The following LCP2 variants were observed in gnomAD, a reference collection of about 807,000 sequenced individuals.
LCP2 encodes 76 kDa tyrosine phosphoprotein.
LCP2 carries 29 observed loss-of-function variants against 74.5 expected under a neutral mutation model. That is an observed-to-expected ratio of 0.39 (90% CI 0.29 to 0.53). LCP2 has a LOEUF of 0.53. Among genes scored for constraint, LCP2 ranks in the 20% least tolerant of loss-of-function variants. The pLI is 0.72. For missense variants in LCP2, 604 were observed against 634.6 expected, an observed-to-expected ratio of 0.95 and a Z score of 0.52; for synonymous variants, 228 against 229.5, an observed-to-expected ratio of 0.99 and a Z score of 0.06.
At chr5:170,287,183 G>A (rs1344844106) in intron 3 of LCP2, among the ~76,000 whole-genome samples, 1 of 152,082 alleles carries the variant, frequency 6.6e-6, no homozygotes, top group East Asian at 1.9e-4. Context: ...GCTTTGCGAT[G>A]GCTACTTTTT....
intron 1 of LCP2, among the ~76,000 whole-genome samples, chr5:170,294,607 G>A (rs1211163565): frequency 6.6e-6 from 1 of 152,164 alleles, no homozygotes; most frequent in East Asian, 1.9e-4. Context: ...TTATCTTATA[G>A]CTAGCAAATC....
At chr5:170,267,113 A>G in intron 8 of LCP2, 38 bp from the exon 9 acceptor site, 1 of 1,605,996 alleles carries the variant, frequency 6.2e-7, no homozygotes, top group Non-Finnish European at 8.5e-7. Context: ...CACTTCCAAT[A>G]CATCAGCAAG....
chr5:170,254,019 CT>C (rs1197535670), intron 17 of LCP2, among the ~76,000 whole-genome samples: 1 of 152,122 alleles, frequency 6.6e-6, no homozygotes, highest in Non-Finnish European at 1.5e-5. Flanking sequence ...GTCAAATGTT[CT>C]CTTAATTATT....
chr5:170,258,776 G>T (rs1761604662), intron 15 of LCP2, 90 bp downstream of exon 15: 1 of 820,752 alleles, frequency 1.2e-6, no homozygotes, highest in Non-Finnish European at 2.0e-6. Context: ...GATTCTATGG[G>T]GTTCCTGTAC....
intron 3 of LCP2, among the ~76,000 whole-genome samples, chr5:170,280,287 G>C (rs915874818): frequency 6.6e-6 from 1 of 151,936 alleles, no homozygotes; most frequent in African/African-American, 2.4e-5. Context: ...CTCTCCCCCT[G>C]TGCTGTTCTC....
chr5:170,256,322 G>T lies in LCP2; in HGVS notation c.1150+204C>A, dbSNP rs1295662988. Reference sequence around the variant, plus strand: ...TATGGGCATGTATATGTATACGTGTGTGTGTATGTGTTGTGTTTTAGGTAC... The same window carrying T: ...TATGGGCATGTATATGTATACGTGTTTGTGTATGTGTTGTGTTTTAGGTAC... On this transcript the variant is annotated intron_variant, in intron 17 of 20. Coordinates refer to ENST00000046794, the MANE Select transcript of LCP2 (RefSeq NM_005565.5). The surrounding 1 kb of genome is among the most constrained non-coding windows in gnomAD (Gnocchi z 4.5). Among the ~76,000 whole-genome samples, 9 of 152,208 alleles carry T rather than the reference G, an allele frequency of 5.9e-5. No individual in the cohort carries two copies. The highest frequency in any genetic ancestry group is 5.9e-4 in the Admixed American group (9 of 15,276).
intron 2 of LCP2, 77 bp downstream of exon 2, chr5:170,293,233 G>A (rs1257519173): frequency 2.9e-5 from 41 of 1,398,812 alleles, no homozygotes; most frequent in Non-Finnish European, 3.8e-5. Context: ...GGAAAGGGTA[G>A]GCCAGTTGGC....
rs1443499770 is a variant in LCP2 at position 170,256,935 on chromosome 5, T to C, written c.1101-360A>G. On this transcript the variant is annotated intron_variant, in intron 16 of 20. Coordinates refer to ENST00000046794, the MANE Select transcript of LCP2 (RefSeq NM_005565.5). The surrounding 1 kb of genome is among the most constrained non-coding windows in gnomAD (Gnocchi z 4.5). ...AGACTTCCCTTTTGCTAGGAAATTA[T>C]ATTAATGGGCTTGTCTTTGGTGAGC... 1.3e-5 allele frequency among the ~76,000 whole-genome samples: 2 copies of C among 152,238 alleles called. No homozygotes were observed. Among genetic ancestry groups the C allele is most frequent in the Admixed American group, 6.5e-5 (1 of 15,292 alleles).
chr5:170,289,841 T>G (rs1430662718), intron 2 of LCP2, among the ~76,000 whole-genome samples: 1 of 149,398 alleles, frequency 6.7e-6, no homozygotes, highest in East Asian at 2.0e-4. Flanking sequence ...ATGTTTTGAG[T>G]GTGGTGTGAG....
intron 2 of LCP2, among the ~76,000 whole-genome samples, chr5:170,289,826 GA>G (rs1350968377): frequency 6.8e-6 from 1 of 147,344 alleles, no homozygotes; most frequent in Non-Finnish European, 1.5e-5. Context: ...GAGGTACCAA[GA>G]CTCATGTTTT....
intron 1 of LCP2, among the ~76,000 whole-genome samples, chr5:170,295,286 G>T (rs1370099389): frequency 2.0e-5 from 3 of 152,220 alleles, no homozygotes; most frequent in African/African-American, 4.8e-5. Context: ...ACAAGAAGAC[G>T]CAAAGTCCCA....
At chr5:170,250,661 G>T in intron 20 of LCP2, 69 bp downstream of exon 20, 2 of 1,207,076 alleles carry the variant, frequency 1.7e-6, no homozygotes, top group South Asian at 1.2e-5. Context: ...CTCAAAGATC[G>T]CTCCATGAAG....
chr5:170,290,647 G>T (rs976030955), intron 2 of LCP2, among the ~76,000 whole-genome samples: 1 of 152,160 alleles, frequency 6.6e-6, no homozygotes, highest in East Asian at 1.9e-4. Context: ...GAAGCCACAG[G>T]CTTTTTCCAT....
chr5:170,268,708 C>T (rs959648100), intron 7 of LCP2, among the ~76,000 whole-genome samples: 1 of 151,778 alleles, frequency 6.6e-6, no homozygotes, highest in Admixed American at 6.6e-5. Context: ...GCTCAGCTTT[C>T]TTTGCATTTC....
chr5:170,296,896 G>A (rs1762398005), intron 1 of LCP2, among the ~76,000 whole-genome samples: 4 of 152,208 alleles, frequency 2.6e-5, no homozygotes. Flanking sequence ...AAGGCTCCAA[G>A]GAGACTGCCC....
Position 170,275,314 on chromosome 5 carries a change from C to A in LCP2, c.286+6G>T. 6.2e-7 allele frequency: 1 copy of A among 1,614,028 alleles called. No individual in the cohort carries two copies. The highest frequency in any genetic ancestry group is 8.5e-7 in the Non-Finnish European group (1 of 1,179,882). On this transcript the variant is annotated splice_donor_region_variant and intron_variant, in intron 5 of 20. Transcript: ENST00000046794. ...AGCAATCACCTCTGAGCCCTGAGAG[C>A]TTTACCTGTCTCTTCAGGAAACCGC...
chr5:170,258,296 A>G, intron 15 of LCP2, 130 bp from the exon 16 acceptor site: 1 of 917,858 alleles, frequency 1.1e-6, no homozygotes, highest in Non-Finnish European at 1.7e-6. Flanking sequence ...GATCAGATGT[A>G]ATTAGGAAGT....
In LCP2 at chr5:170,268,484, T is replaced by A; in HGVS notation, c.524-2A>T. 3.6e-6 allele frequency: 1 copy of A among 278,790 alleles called. No individual in the cohort carries two copies. 17.3% of individuals were successfully genotyped at this position (278,790 alleles called of 1,614,324 possible). On this transcript the variant is annotated splice_acceptor_variant, in intron 7 of 20. Coordinates refer to ENST00000046794, the MANE Select transcript of LCP2 (RefSeq NM_005565.5). LOFTEE classifies it high-confidence loss of function. ...GGGTTTTCCCAGAGGGGGGCCGGTC[T>A]GTGGAAACACAAGGTTATTAAAGTG...
Position 170,262,662 on chromosome 5 carries a change from A to AG in LCP2, c.898dup (p.Leu300ProfsTer21). ...TGGCACAGGTGGCTTCTTCCCTGGCAGGGGGCTGCTCCTTTCATGTCTTTC... is the reference window on the plus strand; with the variant it reads ...TGGCACAGGTGGCTTCTTCCCTGGCAGGGGGGCTGCTCCTTTCATGTCTTTC... On this transcript the variant is annotated frameshift_variant, in exon 13 of 21. Coordinates refer to ENST00000046794, the MANE Select transcript of LCP2 (RefSeq NM_005565.5). LOFTEE classifies it high-confidence loss of function. The AG allele has an allele frequency of 1.2e-6, 2 of 1,613,872 alleles. No homozygotes were observed. The highest frequency in any genetic ancestry group is 1.7e-6 in the Non-Finnish European group (2 of 1,179,804).
Sources: gnomAD v4.1 joint callset for allele counts (sites outside exome capture counted in the v4.1 genomes callset) on GRCh38, gnomAD v4.1.1 for gene constraint, Gnocchi (gnomAD v3.1) non-coding constraint, MANE v1.5 for transcripts, NCBI Gene and HGNC (gene_info 2026-07-23, HGNC 2026-07-21) for gene names.